The following ZP1 variants were observed in gnomAD, a reference collection of about 807,000 sequenced individuals.
The protein encoded by ZP1 is zona pellucida glycoprotein 1, also known as zona pellucida sperm-binding protein 1.
A neutral mutation model predicts 67.4 loss-of-function variants in ZP1; 58 were observed. The observed-to-expected ratio is 0.86, with a 90% CI of 0.70 to 1.07. The LOEUF is 1.07. Ranked by LOEUF, ZP1 falls within the 50% of genes least tolerant of loss-of-function variation. The pLI, the probability that ZP1 is intolerant of heterozygous loss-of-function variation, is 0.00. For synonymous variants in ZP1, 333 were observed against 332.7 expected, an observed-to-expected ratio of 1.00 and a Z score of -0.01; for missense variants, 759 against 807.3, an observed-to-expected ratio of 0.94 and a Z score of 0.72.
In ZP1 at chr11:60,873,614, T is replaced by C; in HGVS notation, c.1431-20T>C. ...CCTGCTCTGCCTCCTGTAAACAGCCTCTCTGACTTCTCTTCTCAGATGCCC... is the reference window on the plus strand; with the variant it reads ...CCTGCTCTGCCTCCTGTAAACAGCCCCTCTGACTTCTCTTCTCAGATGCCC... On this transcript the variant is annotated intron_variant, in intron 8 of 11. Coordinates refer to ENST00000278853, the MANE Select transcript of ZP1 (RefSeq NM_207341.4). 2 of 1,614,054 alleles carry C rather than the reference T, an allele frequency of 1.2e-6. No individual in the cohort carries two copies. The highest frequency in any genetic ancestry group is 1.7e-6 in the Non-Finnish European group (2 of 1,180,020).
At position 60,869,233 on chromosome 11, in the gene ZP1, G is replaced by A. The variant is rs115721019; in HGVS notation, c.285G>A (p.Ser95=). The change falls in exon 2 of 12, where the codon TCG becomes TCA. Residue 95 remains serine, a synonymous_variant. Coordinates refer to ENST00000278853, the MANE Select transcript of ZP1 (RefSeq NM_207341.4). ...TSRPQEPAVF[S]ADYRGCHVLE... ...GGCCGCAGGAGCCTGCAGTCTTCTC[G>A]GCCGATTACAGAGGCTGCCACGTGC... 8.2e-4 allele frequency: 1,318 copies of A among 1,614,168 alleles called. 13 individuals are homozygous for A. The African/African-American group carries it at 0.015, about 18-fold the overall frequency.
In ZP1 at chr11:60,873,154, G is replaced by A. The variant is rs572963235; in HGVS notation, c.1113-8G>A. On this transcript the variant is annotated splice_region_variant and splice_polypyrimidine_tract_variant and intron_variant, in intron 6 of 11. Coordinates refer to ENST00000278853, the MANE Select transcript of ZP1 (RefSeq NM_207341.4). ...CTTCTCCCCCACCCTCTTGCACGTG[G>A]ACTTCAGGCTTCATGTGCGCTGTGT... 2 of 1,549,822 alleles carry A rather than the reference G, an allele frequency of 1.3e-6. No individual in the cohort carries two copies. The highest frequency in any genetic ancestry group is 1.7e-6 in the Non-Finnish European group (2 of 1,148,110).
At chr11:60,875,043 T>G (rs1422593755) in intron 10 of ZP1, 29 bp downstream of exon 10, 1 of 1,614,212 alleles carries the variant, frequency 6.2e-7, no homozygotes, top group Admixed American at 1.7e-5. Flanking sequence ...TGGTATTTGT[T>G]CCTTTATACA....
Position 60,870,340 on chromosome 11 carries a change from C to G in ZP1, c.691C>G (p.Leu231Val). 6.2e-7 allele frequency: 1 copy of G among 1,605,110 alleles called. No homozygotes were observed. Residue 231 changes from leucine to valine, a missense_variant, in exon 4 of 12, where the codon CTG becomes GTG. Leu to Val is a conservative substitution (Grantham distance 32, BLOSUM62 1). Coordinates refer to ENST00000278853, the MANE Select transcript of ZP1 (RefSeq NM_207341.4). ...CTCTGTCCCAACCCTAGGTACCCAC[C>G]TGAGCCAGGAGCAGTGCCAGGTGGC... ...VNKRDYIGTH[L>V]SQEQCQVASG...
intron 6 of ZP1, among the ~76,000 whole-genome samples, chr11:60,871,742 CCTCT>C (rs1184625111): frequency 1.3e-5 from 2 of 152,218 alleles, no homozygotes; most frequent in Non-Finnish European, 1.5e-5. Context: ...GCTGAAGATA[CCTCT>C]CTGAGGATGT....
At chr11:60,872,978 A>G in intron 6 of ZP1, 184 bp from the exon 7 acceptor site, 1 of 623,264 alleles carries the variant, frequency 1.6e-6, no homozygotes, top group Non-Finnish European at 2.7e-6. Flanking sequence ...TGGGCAGAGG[A>G]ATGGGCAGGG....
intron 1 of ZP1, 88 bp from the exon 2 acceptor site, chr11:60,869,053 CCTGG>C (rs1007875307): frequency 1.3e-6 from 2 of 1,518,070 alleles, no homozygotes; most frequent in African/African-American, 2.8e-5. Context: ...ACCCAGGTCT[CCTGG>C]CTGCTGAGTG....
At chr11:60,869,417 G>T in intron 2 of ZP1, 120 bp from the exon 3 acceptor site, 5 of 1,496,328 alleles carry the variant, frequency 3.3e-6, no homozygotes, top group Non-Finnish European at 3.6e-6. Context: ...GTACTTTCTG[G>T]AATCCACCAT....
chr11:60,870,032 C>A (rs1477131115), intron 3 of ZP1, 132 bp downstream of exon 3: 3 of 1,135,034 alleles, frequency 2.6e-6, no homozygotes, highest in Non-Finnish European at 3.6e-6. Flanking sequence ...AAAGATGATT[C>A]TTTTATTCCT....
Sources: allele counts gnomAD v4.1 joint callset (sites outside exome capture counted in the v4.1 genomes callset), GRCh38; gene constraint gnomAD v4.1.1; transcripts MANE v1.5; gene names NCBI Gene and HGNC (gene_info 2026-07-23, HGNC 2026-07-21).